The following PRKACB variants were observed in gnomAD, a reference collection of about 807,000 sequenced individuals.
The protein encoded by PRKACB is protein kinase cAMP-activated catalytic subunit beta, also known as cAMP-dependent protein kinase catalytic subunit beta.
PRKACB carries 16 observed loss-of-function variants against 51.4 expected under a neutral mutation model. The ratio of observed to expected loss-of-function variants is 0.31; its 90% confidence interval spans 0.21 to 0.47. The LOEUF (loss-of-function observed/expected upper bound fraction) is 0.47. Ranked by LOEUF, PRKACB falls within the 20% of genes least tolerant of loss-of-function variation. The pLI is 1.00. For missense variants in PRKACB, 309 were observed against 464.5 expected (o/e 0.67, Z 3.08); for synonymous variants, 147 against 154.4 (o/e 0.95, Z 0.35).
chr1:84,092,192 A>G (rs1419998900), intron 1 of PRKACB, among the ~76,000 whole-genome samples: 1 of 152,210 alleles, frequency 6.6e-6, no homozygotes, highest in Non-Finnish European at 1.5e-5. Flanking sequence ...ACCCATACCA[A>G]GAAATAGAAT....
intron 1 of PRKACB, among the ~76,000 whole-genome samples, chr1:84,086,525 A>G (rs1049292883): frequency 2.0e-5 from 3 of 152,100 alleles, no homozygotes; most frequent in Non-Finnish European, 4.4e-5. Flanking sequence ...AGGCAGCCAC[A>G]CCTTGGTCCT....
At chr1:84,168,444 T>C (rs547646392) in intron 1 of PRKACB, among the ~76,000 whole-genome samples, 2 of 151,592 alleles carry the variant, frequency 1.3e-5, no homozygotes, top group East Asian at 3.9e-4. Context: ...TGGGTGAGAA[T>C]CCTGGCCCAG....
chr1:84,131,642 G>T (rs1652222912), intron 1 of PRKACB, among the ~76,000 whole-genome samples: 1 of 152,152 alleles, frequency 6.6e-6, no homozygotes, highest in Non-Finnish European at 1.5e-5. Context: ...AACTGAGATT[G>T]CAGGGCAACC....
At chr1:84,218,553 G>A (rs1673203400) in intron 9 of PRKACB, among the ~76,000 whole-genome samples, 1 of 152,034 alleles carries the variant, frequency 6.6e-6, no homozygotes, top group South Asian at 2.1e-4. Context: ...ACCCATTCAT[G>A]TGTTGAAGGA....
chr1:84,222,762 G>C (rs1197110156), intron 9 of PRKACB, among the ~76,000 whole-genome samples: 1 of 152,108 alleles, frequency 6.6e-6, no homozygotes, highest in Non-Finnish European at 1.5e-5. Flanking sequence ...TTGAAGAAAG[G>C]TTTCTTGGTT....
chr1:84,204,578 G>C, intron 8 of PRKACB: 1 of 1,475,016 alleles, frequency 6.8e-7, no homozygotes, highest in East Asian at 2.4e-5. Flanking sequence ...CTCTCAAGAG[G>C]ACTAAAGGTC....
At chr1:84,142,558 T>A (rs1653520994), upstream of PRKACB, among the ~76,000 whole-genome samples, 1 of 152,218 alleles carries the variant, frequency 6.6e-6, no homozygotes, top group Non-Finnish European at 1.5e-5. Context: ...AAGAATTTTG[T>A]CATATAGATG....
rs1286473253 is a variant in PRKACB at position 84,185,085 on chromosome 1, T to C, written c.478-15T>C. On this transcript the variant is annotated splice_polypyrimidine_tract_variant and intron_variant, in intron 4 of 9. Transcript: ENST00000370685. ...CTAAGTTGAATAATTGTATTTCCTT[T>C]TTATTTGTTCATAGGATAATTCTAA... 6 of 1,420,438 alleles carry C rather than the reference T, an allele frequency of 4.2e-6. No individual in the cohort carries two copies. Among genetic ancestry groups the C allele is most frequent in the Non-Finnish European group, 5.7e-6 (6 of 1,051,884 alleles). The allele number at this position is 1,420,438 out of a possible 1,614,324, so 88.0% of individuals were successfully genotyped here. A position where few individuals can be genotyped will look rare whatever the true frequency, so the allele number is the denominator to read the frequency against.
intron 1 of PRKACB, among the ~76,000 whole-genome samples, chr1:84,079,000 A>T (rs1464663655): frequency 6.6e-6 from 1 of 152,220 alleles, no homozygotes; most frequent in Non-Finnish European, 1.5e-5. Context: ...TCTGCTACCA[A>T]TGCCTGTAAA....
intron 1 of PRKACB, among the ~76,000 whole-genome samples, chr1:84,156,259 T>C (rs1015341587): frequency 2.6e-5 from 4 of 152,092 alleles, no homozygotes; most frequent in Non-Finnish European, 5.9e-5. Context: ...CCTCCTAAAG[T>C]GCTGGGATCA....
chr1:84,078,700 A>G (rs758373412), intron 1 of PRKACB, among the ~76,000 whole-genome samples: 64 of 152,282 alleles, frequency 4.2e-4, no homozygotes, highest in Non-Finnish European at 7.5e-4. Context: ...CCCTAGTGCC[A>G]TCCCACCCCT....
At chr1:84,124,287 T>G (rs926068661) in intron 1 of PRKACB, among the ~76,000 whole-genome samples, 1 of 152,222 alleles carries the variant, frequency 6.6e-6, no homozygotes, top group African/African-American at 2.4e-5. Flanking sequence ...AACTACACTT[T>G]GATTAACAAG....
At chr1:84,175,197 G>C in intron 1 of PRKACB, 3 of 861,752 alleles carry the variant, frequency 3.5e-6, no homozygotes, top group East Asian at 3.8e-5. Context: ...GAAGGAAATA[G>C]TTTGTTTAGT....
At chr1:84,083,933 C>T (rs1018706955) in intron 1 of PRKACB, among the ~76,000 whole-genome samples, 2 of 152,164 alleles carry the variant, frequency 1.3e-5, no homozygotes, top group African/African-American at 2.4e-5. Flanking sequence ...AGACTCTACA[C>T]AAGACTATGG....
At chr1:84,126,930 CT>C (rs1651669405) in intron 1 of PRKACB, among the ~76,000 whole-genome samples, 1 of 152,190 alleles carries the variant, frequency 6.6e-6, no homozygotes, top group African/African-American at 2.4e-5. Flanking sequence ...CTTGCCTGGA[CT>C]TTTGCAGTAG....
chr1:84,171,949 G>C (rs897344956), intron 1 of PRKACB, among the ~76,000 whole-genome samples: 2 of 151,476 alleles, frequency 1.3e-5, no homozygotes, highest in African/African-American at 2.4e-5. Flanking sequence ...AAGAACCTAG[G>C]TATAAATCTA....
chr1:84,234,690 G>T (rs1676429705), intron 9 of PRKACB, among the ~76,000 whole-genome samples: 1 of 152,216 alleles, frequency 6.6e-6, no homozygotes, highest in Non-Finnish European at 1.5e-5. Context: ...GGTGCCGTCT[G>T]TCACCCCTTT....
chr1:84,235,280 G>A lies in PRKACB; in HGVS notation c.1172G>A (p.Cys391Tyr), dbSNP rs760930454. 6 of 1,613,900 alleles carry A rather than the reference G, an allele frequency of 3.7e-6. No homozygotes were observed. Among genetic ancestry groups the A allele is most frequent in the Non-Finnish European group, 5.1e-6 (6 of 1,179,990 alleles). Reference protein sequence around the residue: ...EDIRVSITEKCAKEFGEF With the variant: ...EDIRVSITEKYAKEFGEF ...ATCCGTGTCTCTATAACAGAAAAATGTGCAAAAGAATTTGGTGAATTTTAA... is the reference window on the plus strand; with the variant it reads ...ATCCGTGTCTCTATAACAGAAAAATATGCAAAAGAATTTGGTGAATTTTAA... Residue 391 changes from cysteine (C) to tyrosine (Y), a missense_variant, in exon 10 of 10, where the codon TGT (cysteine) becomes TAT (tyrosine). Physicochemically the swap from Cys to Tyr is radical, Grantham distance 194. This residue lies in a region of PRKACB where 96 missense variants were observed against 129.9 expected (regional missense o/e 0.74). Transcript: ENST00000370685.
At chr1:84,103,826 C>T (rs1159700583) in intron 1 of PRKACB, among the ~76,000 whole-genome samples, 1 of 152,134 alleles carries the variant, frequency 6.6e-6, no homozygotes, top group East Asian at 1.9e-4. Flanking sequence ...AGTGTTCTCC[C>T]CTTCCCTTTT....
Sources: allele counts gnomAD v4.1 joint callset (sites outside exome capture counted in the v4.1 genomes callset), GRCh38; gene constraint gnomAD v4.1.1; regional missense constraint gnomAD v4.1.1; transcripts MANE v1.5; gene names NCBI Gene and HGNC (gene_info 2026-07-23, HGNC 2026-07-21).